TNIK: variants seen among roughly 807,000 people sequenced by gnomAD.
TNIK encodes TRAF2 and NCK interacting kinase.
TNIK carries 49 observed loss-of-function variants against 191.3 expected under a neutral mutation model. That is an observed-to-expected ratio of 0.26 (90% confidence interval 0.20 to 0.32). The LOEUF is 0.32. TNIK is among the 10% of genes least tolerant of loss of function. TNIK has a pLI of 1.00. For synonymous variants in TNIK, 594 were observed against 600.9 expected, an observed-to-expected ratio of 0.99 and a Z score of 0.17; for missense variants, 1,155 against 1,702.3, an observed-to-expected ratio of 0.68 and a Z score of 5.66.
rs145559137 is a variant in TNIK, at chr3:171,428,874, A to C, written c.57+31133T>G. 3.7e-4 allele frequency among the ~76,000 whole-genome samples: 56 copies of C among 152,116 alleles called. No individual in the cohort carries two copies. In the East Asian group the frequency reaches 5.8e-3, roughly 16 times the overall value. On this transcript the variant is annotated intron_variant, in intron 1 of 32. Transcript: ENST00000436636. ...TCCTCCTTTTTCTTCTCTTCTCTCA[A>C]ACACAGCATCCTCTGAATTCTGTCC...
At chr3:171,193,951 C>G (rs1357963194) in intron 5 of TNIK, among the ~76,000 whole-genome samples, 1 of 152,144 alleles carries the variant, frequency 6.6e-6, no homozygotes, top group Non-Finnish European at 1.5e-5. Context: ...ACTGGGCAAA[C>G]AGGCAGTCTT....
chr3:171,351,001 G>A lies in TNIK; in HGVS notation c.123+18619C>T, dbSNP rs540909964. Among the ~76,000 whole-genome samples, 9 of 151,852 alleles carry A rather than the reference G, an allele frequency of 5.9e-5. No individual in the cohort carries two copies. In the South Asian group the frequency reaches 1.3e-3, roughly 21 times the overall value. On this transcript the variant is annotated intron_variant, in intron 2 of 32. Transcript: ENST00000436636. ...CACTTCCTGGGTTCAAGCTATTCGC[G>A]TGCCTCAGCCTCCCAAGTAGCTGGG...
At chr3:171,291,087 T>TA (rs1244554806) in intron 2 of TNIK, among the ~76,000 whole-genome samples, 1 of 152,142 alleles carries the variant, frequency 6.6e-6, no homozygotes, top group African/African-American at 2.4e-5. Context: ...ACAATCTACT[T>TA]AGAGTTCATA....
At chr3:171,135,118 T>G (rs1475782309) in intron 15 of TNIK, among the ~76,000 whole-genome samples, 1 of 152,230 alleles carries the variant, frequency 6.6e-6, no homozygotes, top group Non-Finnish European at 1.5e-5. Context: ...TCCTTTTATT[T>G]TACTTCCAGA....
chr3:171,332,677 T>C (rs1756525252), intron 2 of TNIK, among the ~76,000 whole-genome samples: 1 of 152,098 alleles, frequency 6.6e-6, no homozygotes, highest in African/African-American at 2.4e-5. Context: ...AGCTATAACC[T>C]GAAGGCCAGG....
At chr3:171,221,298 G>T (rs1457931191) in intron 3 of TNIK, among the ~76,000 whole-genome samples, 1 of 152,166 alleles carries the variant, frequency 6.6e-6, no homozygotes, top group South Asian at 2.1e-4. Context: ...GGGCCTCTGT[G>T]GCAAAGGAGC....
chr3:171,401,794 T>A (rs1368174694), intron 1 of TNIK, among the ~76,000 whole-genome samples: 1 of 152,190 alleles, frequency 6.6e-6, no homozygotes, highest in Non-Finnish European at 1.5e-5. Flanking sequence ...TAATTTAATA[T>A]CAACCTCATA....
intron 8 of TNIK, among the ~76,000 whole-genome samples, chr3:171,176,333 G>T (rs1056414264): frequency 6.6e-6 from 1 of 152,190 alleles, no homozygotes; most frequent in Non-Finnish European, 1.5e-5. Context: ...GTAAGAAAAC[G>T]ATGACAACCC....
chr3:171,102,652 T>C (rs1305847091), intron 21 of TNIK, among the ~76,000 whole-genome samples: 2 of 152,124 alleles, frequency 1.3e-5, no homozygotes, highest in South Asian at 2.1e-4. Context: ...TAGTGACCCA[T>C]GTGGGAATCA....
At chr3:171,173,432 A>T (rs1422951676) in intron 9 of TNIK, among the ~76,000 whole-genome samples, 1 of 151,550 alleles carries the variant, frequency 6.6e-6, no homozygotes, top group Non-Finnish European at 1.5e-5. Flanking sequence ...AAAAGAAAAC[A>T]GGAGATGTAT....
intron 23 of TNIK, among the ~76,000 whole-genome samples, chr3:171,091,048 C>T (rs1043289486): frequency 5.3e-5 from 8 of 152,100 alleles, no homozygotes; most frequent in Non-Finnish European, 1.0e-4. Context: ...TAAACATGTA[C>T]TTTTAGTAAT....
chr3:171,405,318 C>T (rs1721517488), intron 1 of TNIK, among the ~76,000 whole-genome samples: 1 of 152,032 alleles, frequency 6.6e-6, no homozygotes, highest in Admixed American at 6.6e-5. Context: ...AAACCAGCAA[C>T]CCCTATGTAA....
At chr3:171,431,499 ACT>A (rs1725389695) in intron 1 of TNIK, among the ~76,000 whole-genome samples, 1 of 151,844 alleles carries the variant, frequency 6.6e-6, no homozygotes, top group African/African-American at 2.4e-5. Context: ...TGTTCTTTTT[ACT>A]CTCTATTTAC....
chr3:171,073,284 A>T (rs999521677), intron 28 of TNIK, among the ~76,000 whole-genome samples: 5 of 152,184 alleles, frequency 3.3e-5, no homozygotes, highest in African/African-American at 1.2e-4. Context: ...AAGTCAACAA[A>T]CATAAACAAT....
chr3:171,154,942 C>T (rs1371212103), intron 12 of TNIK, among the ~76,000 whole-genome samples: 1 of 152,164 alleles, frequency 6.6e-6, no homozygotes, highest in Non-Finnish European at 1.5e-5. Context: ...TAAGAATATA[C>T]AGACACTGAT....
rs200007947 is a variant in TNIK, at chr3:171,387,343, T to C, written c.58-17658A>G. On this transcript the variant is annotated intron_variant, in intron 1 of 32. Transcript: ENST00000436636. ...TTCCACTCAGTCATTAACCATACTA[T>C]AGTGCAATGCTAACTACATAATGCT... 3.1e-4 allele frequency among the ~76,000 whole-genome samples: 47 copies of C among 152,254 alleles called. No homozygotes were observed. In the East Asian group the frequency reaches 4.1e-3, roughly 13 times the overall value.
chr3:171,194,004 T>C (rs1738359877), intron 5 of TNIK, among the ~76,000 whole-genome samples: 1 of 152,068 alleles, frequency 6.6e-6, no homozygotes, highest in South Asian at 2.1e-4. Flanking sequence ...GTCACAAAGA[T>C]TTTTTTTAAA....
chr3:171,144,165 A>G (rs1405468476), intron 12 of TNIK, among the ~76,000 whole-genome samples: 1 of 152,218 alleles, frequency 6.6e-6, no homozygotes, highest in Non-Finnish European at 1.5e-5. Context: ...ATTTTCATCC[A>G]TGTCTTCTTG....
chr3:171,140,817 A>T (rs115060596), intron 12 of TNIK, among the ~76,000 whole-genome samples: 33 of 152,358 alleles, frequency 2.2e-4, no homozygotes, highest in African/African-American at 7.7e-4. Flanking sequence ...GAAAACACCA[A>T]TGCAAAACAG....
Sources: allele counts gnomAD v4.1 joint callset (sites outside exome capture counted in the v4.1 genomes callset), GRCh38; gene constraint gnomAD v4.1.1; transcripts MANE v1.5; gene names NCBI Gene and HGNC (gene_info 2026-07-23, HGNC 2026-07-21).